QTMAN: variants seen among roughly 807,000 people sequenced by gnomAD.
QTMAN encodes the protein queuosine-tRNA mannosyltransferase.
At chr2:144,173,538 C>G in the QTMAN span, among the ~76,000 whole-genome samples, 1 of 152,138 alleles carries the variant, frequency 6.6e-6, no homozygotes, top group African/African-American at 2.4e-5. Context: ...TACTAACAAC[C>G]GTGTGAGCTT....
At chr2:144,228,581 G>A in the QTMAN span, among the ~76,000 whole-genome samples, 1 of 152,154 alleles carries the variant, frequency 6.6e-6, no homozygotes, top group Non-Finnish European at 1.5e-5. Context: ...GAGAATGGGG[G>A]GAGAGAAAAC....
the QTMAN span, chr2:144,007,273 T>C: frequency 3.1e-6 from 5 of 1,613,258 alleles, no homozygotes; most frequent in Non-Finnish European, 4.2e-6. Context: ...TTTTGTTTAT[T>C]TTCACCATGA....
the QTMAN span, among the ~76,000 whole-genome samples, chr2:144,041,920 A>G: frequency 6.6e-6 from 1 of 152,150 alleles, no homozygotes; most frequent in African/African-American, 2.4e-5. Flanking sequence ...GCAGGATTTT[A>G]CTATTTTGTG....
chr2:144,165,088 C>A, the QTMAN span, among the ~76,000 whole-genome samples: 1 of 151,874 alleles, frequency 6.6e-6, no homozygotes, highest in Non-Finnish European at 1.5e-5. Flanking sequence ...TTAGGGAAGG[C>A]TGGCCAGGTG....
At chr2:144,000,166 C>T in the QTMAN span, among the ~76,000 whole-genome samples, 27,762 of 151,904 alleles carry the variant, frequency 0.18, 3,134 homozygotes, top group Non-Finnish European at 0.25. Context: ...AATTCAAAAT[C>T]CTGAAATAGA....
the QTMAN span, chr2:144,006,922 T>C: frequency 2.1e-5 from 7 of 332,808 alleles, no homozygotes; most frequent in Middle Eastern, 2.4e-3. Context: ...AGACTTGATA[T>C]GCTAGAAGTG....
chr2:144,013,216 A>T, the QTMAN span, among the ~76,000 whole-genome samples: 1 of 152,186 alleles, frequency 6.6e-6, no homozygotes. Context: ...TTCATTCAGT[A>T]AGTACCTATT....
At chr2:144,010,754 A>G in the QTMAN span, among the ~76,000 whole-genome samples, 40 of 152,108 alleles carry the variant, frequency 2.6e-4, no homozygotes, top group African/African-American at 9.7e-4. Context: ...AGATTAAAGG[A>G]GCTAACTATG....
the QTMAN span, among the ~76,000 whole-genome samples, chr2:143,996,244 A>T: frequency 6.6e-6 from 1 of 152,298 alleles, no homozygotes; most frequent in South Asian, 2.1e-4. Context: ...ATGTCTGTCC[A>T]GCGAGGAGGA....
the QTMAN span, among the ~76,000 whole-genome samples, chr2:144,192,391 G>A: frequency 6.6e-6 from 1 of 152,110 alleles, no homozygotes; most frequent in Non-Finnish European, 1.5e-5. Flanking sequence ...ACAAACATAA[G>A]CCAATGCACC....
the QTMAN span, among the ~76,000 whole-genome samples, chr2:144,052,291 G>T: frequency 6.6e-6 from 1 of 152,206 alleles, no homozygotes; most frequent in Non-Finnish European, 1.5e-5. Flanking sequence ...AATTTAGTCT[G>T]GTTGTGCTAT....
At chr2:144,117,259 C>A in the QTMAN span, among the ~76,000 whole-genome samples, 1 of 152,178 alleles carries the variant, frequency 6.6e-6, no homozygotes, top group Non-Finnish European at 1.5e-5. Flanking sequence ...TCAGCTAGCA[C>A]CTGATCCACA....
At chr2:144,307,159 T>TAAAAAAAAAAAAAAAAAAAAAAAAAAAA in the QTMAN span, among the ~76,000 whole-genome samples, 2 of 40,466 alleles carry the variant, frequency 4.9e-5, no homozygotes, top group African/African-American at 1.3e-4. Context: ...GACTCCGTCT[T>TAAAAAAAAAAAAAAAAAAAAAAAAAAAA]AAAAAAAAAA....
chr2:143,996,178 A>C, the QTMAN span, among the ~76,000 whole-genome samples: 1 of 152,134 alleles, frequency 6.6e-6, no homozygotes, highest in South Asian at 2.1e-4. Flanking sequence ...TCTTCCACAT[A>C]GCTGTTTAAG....
At chr2:144,118,456 A>T in the QTMAN span, among the ~76,000 whole-genome samples, 61 of 152,338 alleles carry the variant, frequency 4.0e-4, no homozygotes, top group African/African-American at 1.3e-3. Context: ...AAAAACTAAA[A>T]ATATTTTTAA....
the QTMAN span, among the ~76,000 whole-genome samples, chr2:144,071,495 G>T: frequency 4.6e-5 from 7 of 152,050 alleles, no homozygotes; most frequent in African/African-American, 1.4e-4. Flanking sequence ...AACAGAAATG[G>T]ATACTCGCTT....
the QTMAN span, among the ~76,000 whole-genome samples, chr2:144,079,196 T>G: frequency 6.6e-6 from 1 of 152,114 alleles, no homozygotes; most frequent in Non-Finnish European, 1.5e-5. Context: ...GTGACATTAT[T>G]TGGCAAGCAC....
At chr2:144,043,734 ATTAAG>A in the QTMAN span, among the ~76,000 whole-genome samples, 1 of 152,094 alleles carries the variant, frequency 6.6e-6, no homozygotes, top group Admixed American at 6.6e-5. Context: ...TAAATAATCT[ATTAAG>A]TTATTAGTGA....
chr2:143,991,580 C>T, the QTMAN span, among the ~76,000 whole-genome samples: 28 of 144,524 alleles, frequency 1.9e-4, no homozygotes, highest in Admixed American at 3.4e-4. Context: ...GCCCCCCGCC[C>T]GACCAGCCGC....
Sources: gnomAD v4.1 joint callset for allele counts (sites outside exome capture counted in the v4.1 genomes callset) on GRCh38, gnomAD v4.1.1 for gene constraint, MANE v1.5 for transcripts, NCBI Gene and HGNC (gene_info 2026-07-23, HGNC 2026-07-21) for gene names.